The following POTEF variants were observed in gnomAD, a reference collection of about 807,000 sequenced individuals.
The protein encoded by POTEF is POTE ankyrin domain family member F, also known as ANKRD26-like family C member 1B.
In POTEF, 20 loss-of-function variants were observed where a neutral mutation model predicts 83.2. The ratio of observed to expected loss-of-function variants is 0.24; its 90% CI spans 0.17 to 0.35. The LOEUF is 0.35. Ranked by LOEUF, POTEF falls within the 10% of genes least tolerant of loss-of-function variation. The probability of loss-of-function intolerance (pLI) is 1.00; values close to 1 mark genes in which losing one functional copy is unlikely to be tolerated. For missense variants in POTEF, 550 were observed against 1,203.2 expected (o/e 0.46, Z 8.03); for synonymous variants, 196 against 446.4 (o/e 0.44, Z 7.07).
intron 11 of POTEF, among the ~76,000 whole-genome samples, chr2:130,096,403 C>CA: frequency 8.5e-6 from 1 of 118,336 alleles, no homozygotes; most frequent in South Asian, 3.8e-4. Context: ...TCAAGAATGA[C>CA]AATGACATTT....
chr2:130,121,044 GCCAAA>G (rs1184542592), intron 2 of POTEF, among the ~76,000 whole-genome samples: 1 of 151,016 alleles, frequency 6.6e-6, no homozygotes, highest in Non-Finnish European at 1.5e-5. Flanking sequence ...TTACAGGCCG[GCCAAA>G]CCGTTATGCG....
chr2:130,123,125 T>C (rs1286859152), intron 2 of POTEF, among the ~76,000 whole-genome samples: 4 of 135,590 alleles, frequency 3.0e-5, no homozygotes, highest in Non-Finnish European at 4.7e-5. Flanking sequence ...CTACTCTCCC[T>C]TTCTCTTGGT....
chr2:130,121,356 T>G (rs1685000123), intron 2 of POTEF, among the ~76,000 whole-genome samples: 1 of 145,588 alleles, frequency 6.9e-6, no homozygotes. Context: ...GTCTGGAACT[T>G]GAGGATGCTG....
chr2:130,119,555 C>T (rs1347331417), intron 3 of POTEF, among the ~76,000 whole-genome samples: 1 of 151,036 alleles, frequency 6.6e-6, no homozygotes, highest in Non-Finnish European at 1.5e-5. Flanking sequence ...CAGTAAAGAA[C>T]ATATTTACAT....
chr2:130,113,764 C>G (rs1323941079), intron 5 of POTEF, among the ~76,000 whole-genome samples: 2 of 151,234 alleles, frequency 1.3e-5, no homozygotes, highest in Non-Finnish European at 2.9e-5. Context: ...ACATTTTCCT[C>G]AGGTTACTAG....
chr2:130,121,914 T>C (rs1685010663), intron 2 of POTEF, among the ~76,000 whole-genome samples: 2 of 144,930 alleles, frequency 1.4e-5, no homozygotes, highest in South Asian at 4.4e-4. Context: ...TTTATGCTCC[T>C]TAAAAGAAAC....
intron 1 of POTEF, among the ~76,000 whole-genome samples, chr2:130,128,205 G>A (rs949183689): frequency 8.7e-5 from 13 of 148,834 alleles, no homozygotes; most frequent in African/African-American, 1.3e-4. Flanking sequence ...ACAGTCCCCC[G>A]CGATGCCCAC....
chr2:130,117,494 AGT>A (rs1684872435), intron 3 of POTEF, among the ~76,000 whole-genome samples: 1 of 151,940 alleles, frequency 6.6e-6, no homozygotes, highest in Non-Finnish European at 1.5e-5. Flanking sequence ...CCCAGAAACA[AGT>A]TTGATTATAT....
Position 130,075,465 on chromosome 2 carries a change from G to T in POTEF, c.2007C>A (p.Ser669Arg), listed in dbSNP as rs1370959541. The change falls in exon 17 of 17, where the codon AGC becomes AGA. Residue 669 changes from serine (S) to arginine (R), a missense_variant. Physicochemically the swap from Ser to Arg is moderately radical, Grantham distance 110. Transcript: ENST00000409914. ...RLELDTMKHQ[S>R]QLREKKYLED... ...CCAAATATTTCTTTTCTCTTAGCTG[G>T]CTCTGATGTTTCATTGTGTCTAGCT... 6.2e-7 allele frequency: 1 copy of T among 1,611,002 alleles called. No individual in the cohort carries two copies. The highest frequency in any genetic ancestry group is 8.5e-7 in the Non-Finnish European group (1 of 1,179,610).
At chr2:130,103,283 A>T (rs1426442299) in intron 8 of POTEF, among the ~76,000 whole-genome samples, 1 of 150,006 alleles carries the variant, frequency 6.7e-6, no homozygotes, top group Non-Finnish European at 1.5e-5. Flanking sequence ...TCGTGTTTTT[A>T]GTAGAGACGG....
In POTEF at chr2:130,127,800, G is replaced by A. The variant is rs918682549; in HGVS notation, c.-185C>T. The A allele has an allele frequency of 1.3e-5, 2 of 150,502 alleles. No homozygotes were observed. The highest frequency in any genetic ancestry group is 2.9e-5 in the Non-Finnish European group (2 of 67,868). The allele number at this position is 150,502 out of a possible 1,614,324, so 9.3% of individuals were successfully genotyped here. A position where few individuals can be genotyped will look rare whatever the true frequency, so the allele number is the denominator to read the frequency against. ...CACATGCAGGCTCCAGCGTACCACA[G>A]GTGATTCCTTCTCCTCCTCCTCCAG... On this transcript the variant is annotated 5_prime_UTR_variant, in exon 2 of 17. Transcript: ENST00000409914.
intron 5 of POTEF, among the ~76,000 whole-genome samples, chr2:130,114,310 C>A (rs1355134583): frequency 2.6e-5 from 4 of 151,804 alleles, no homozygotes; most frequent in Admixed American, 1.3e-4. Context: ...CACACACACA[C>A]AACCTCTTCA....
intron 8 of POTEF, chr2:130,107,655 C>G: frequency 6.5e-6 from 2 of 309,220 alleles, no homozygotes; most frequent in Non-Finnish European, 1.2e-5. Flanking sequence ...AGCATGAACC[C>G]TGTTGTGAAC....
intron 3 of POTEF, among the ~76,000 whole-genome samples, chr2:130,118,596 C>T (rs1159698544): frequency 6.7e-6 from 1 of 149,452 alleles, no homozygotes; most frequent in African/African-American, 2.5e-5. Flanking sequence ...ACTCAGTAGG[C>T]TGAAGCAGAG....
At chr2:130,127,993 A>C in intron 1 of POTEF, 129 bp from the exon 2 acceptor site, 1 of 126,296 alleles carries the variant, frequency 7.9e-6, no homozygotes, top group Non-Finnish European at 1.7e-5. Context: ...CTTTCTGGCA[A>C]AAGGTGGCCA....
chr2:130,107,758 T>C, intron 8 of POTEF: 1 of 445,586 alleles, frequency 2.2e-6, no homozygotes. Context: ...GATGAGACCA[T>C]CCAGTTGCAG....
intron 2 of POTEF, among the ~76,000 whole-genome samples, chr2:130,122,598 G>A (rs987608553): frequency 2.7e-5 from 4 of 150,438 alleles, no homozygotes; most frequent in South Asian, 2.1e-4. Context: ...ATTTGACAGC[G>A]GTTGCATTTA....
chr2:130,103,396 T>G (rs1446484395), intron 8 of POTEF, among the ~76,000 whole-genome samples: 1 of 150,736 alleles, frequency 6.6e-6, no homozygotes, highest in Non-Finnish European at 1.5e-5. Flanking sequence ...ACCACACTTG[T>G]CCTTATATTT....
At chr2:130,083,252 TG>T (rs1683938206) in intron 15 of POTEF, among the ~76,000 whole-genome samples, 1 of 151,130 alleles carries the variant, frequency 6.6e-6, no homozygotes, top group Non-Finnish European at 1.5e-5. Flanking sequence ...GGAGAAGTGC[TG>T]GAACTCATGA....
Sources: gnomAD v4.1 joint callset for allele counts (sites outside exome capture counted in the v4.1 genomes callset) on GRCh38, gnomAD v4.1.1 for gene constraint, MANE v1.5 for transcripts, NCBI Gene and HGNC (gene_info 2026-07-23, HGNC 2026-07-21) for gene names.